SP140L: variants seen among roughly 807,000 people sequenced by gnomAD.
The protein encoded by SP140L is nuclear body protein SP140-like protein.
In SP140L, 64 loss-of-function variants were observed where a neutral mutation model predicts 84.3. The observed-to-expected ratio is 0.76, with a 90% CI of 0.62 to 0.94. SP140L has a LOEUF of 0.94. Among genes scored for constraint, SP140L ranks in the 40% least tolerant of loss-of-function variants. The probability of loss-of-function intolerance (pLI) is 0.00; values close to 1 mark genes in which losing one functional copy is unlikely to be tolerated. For synonymous variants in SP140L, 242 were observed against 236.9 expected (o/e 1.02, Z -0.20); for missense variants, 628 against 692.5 (o/e 0.91, Z 1.05).
rs2059606201 is a variant in SP140L at position 230,327,295 on chromosome 2, G to A, written c.26G>A (p.Ser9Asn). The stretch of plus-strand genomic sequence containing the variant: ...ATGGCAGGTGGGGGCAGCGACCTGA[G>A]CACCAGGTGAGTCTTTATCTCTCTT... MAGGGSDL[S>N]TRGLNGGVSQ... Residue 9 changes from serine (S) to asparagine (N), a missense_variant, in exon 1 of 19, where the codon AGC becomes AAC. Coordinates refer to ENST00000415673, the MANE Select transcript of SP140L (RefSeq NM_138402.6). 1.9e-6 allele frequency: 3 copies of A among 1,611,746 alleles called. No homozygotes were observed. The highest frequency in any genetic ancestry group is 2.5e-6 in the Non-Finnish European group (3 of 1,178,972).
chr2:230,391,376 C>T (rs2061798447), intron 11 of SP140L, among the ~76,000 whole-genome samples: 2 of 152,230 alleles, frequency 1.3e-5, no homozygotes, highest in Non-Finnish European at 2.9e-5. Context: ...CACTCACCAA[C>T]ACTTGTTATT....
chr2:230,378,465 T>C (rs1374058126), intron 7 of SP140L, among the ~76,000 whole-genome samples: 1 of 152,144 alleles, frequency 6.6e-6, no homozygotes, highest in Non-Finnish European at 1.5e-5. Context: ...CGAGAAGTTT[T>C]CTCCGGAACT....
chr2:230,357,725 G>T, intron 2 of SP140L, 80 bp from the exon 3 acceptor site: 1 of 1,408,050 alleles, frequency 7.1e-7, no homozygotes, highest in South Asian at 1.3e-5. Flanking sequence ...TAGCTTATCC[G>T]TTATACATAA....
chr2:230,352,422 A>G (rs1014911945), intron 2 of SP140L, among the ~76,000 whole-genome samples: 1 of 152,196 alleles, frequency 6.6e-6, no homozygotes, highest in Non-Finnish European at 1.5e-5. Flanking sequence ...ACCTCTTCAC[A>G]AATCAGAGCA....
At position 230,400,213 on chromosome 2, in the gene SP140L, C is replaced by A. The variant is rs1473694814; in HGVS notation, c.1284C>A (p.Asp428Glu). 2 of 1,614,180 alleles carry A rather than the reference C, an allele frequency of 1.2e-6. No individual in the cohort carries two copies. The highest frequency in any genetic ancestry group is 4.5e-5 in the East Asian group (2 of 44,884). The change falls in exon 15 of 19, where the codon GAC (aspartate) becomes GAA (glutamate). Residue 428 changes from aspartate to glutamate, a missense_variant. By Grantham distance (45) the Asp-to-Glu change is conservative. This residue lies in a region of SP140L where 525 missense variants were observed against 518.4 expected (regional missense o/e 1.01). Transcript: ENST00000415673. ...CTTGTTCAAGAGTCTTCCATGAGGA[C>A]TGCCACATCCCACCTGTGGAAAGTG... ...CDTCSRVFHE[D>E]CHIPPVESEK...
At chr2:230,370,282 T>C (rs2061021405) in intron 5 of SP140L, among the ~76,000 whole-genome samples, 1 of 152,098 alleles carries the variant, frequency 6.6e-6, no homozygotes, top group Non-Finnish European at 1.5e-5. Flanking sequence ...TCACCTTGGC[T>C]CAGAATATTA....
chr2:230,372,353 A>T (rs1216902547), intron 7 of SP140L: 1 of 152,262 alleles, frequency 6.6e-6, no homozygotes, highest in Non-Finnish European at 1.5e-5. Context: ...TTTTAAATAG[A>T]GTGATAGGAA....
chr2:230,340,392 C>A (rs1164420471), intron 2 of SP140L, among the ~76,000 whole-genome samples: 1 of 148,302 alleles, frequency 6.7e-6, no homozygotes, highest in South Asian at 2.1e-4. Flanking sequence ...TGTCTCTGCA[C>A]GTGAGATGCG....
At position 230,393,422 on chromosome 2, in the gene SP140L, T is replaced by G. The variant is rs1485901869; in HGVS notation, c.1116T>G (p.Ser372=). 1.3e-6 allele frequency: 2 copies of G among 1,586,454 alleles called. No individual in the cohort carries two copies. Among genetic ancestry groups the G allele is most frequent in the Non-Finnish European group, 1.7e-6 (2 of 1,168,442 alleles). ...GTCTTTTTATCTTTCAGGAAGGATC[T>G]CTACCTAATCCTCCAAGAATATATT... ...WPLRRLMEEG[S]LPNPPRIYYR... Residue 372 remains serine (S), a synonymous_variant, in exon 13 of 19, where the codon TCT becomes TCG. Transcript: ENST00000415673.
chr2:230,359,042 T>A lies in SP140L; in HGVS notation c.349T>A (p.Phe117Ile). The A allele has an allele frequency of 6.2e-7, 1 of 1,613,826 alleles. No individual in the cohort carries two copies. Among genetic ancestry groups the A allele is most frequent in the Non-Finnish European group, 8.5e-7 (1 of 1,179,812 alleles). ...TGTTCTCAGTGAACTGGAGAAGACA[T>A]TTAACCTGTCAGTTTTGGAAGCACT... ...YNVLSELEKT[F>I]NLSVLEALFS... is the part of the protein sequence containing the mutation. Residue 117 changes from phenylalanine (F) to isoleucine (I), a missense_variant, in exon 4 of 19, where the codon TTT (phenylalanine) becomes ATT (isoleucine). This residue lies in a region of SP140L where 525 missense variants were observed against 518.4 expected (regional missense o/e 1.01). Coordinates refer to ENST00000415673, the MANE Select transcript of SP140L (RefSeq NM_138402.6).
chr2:230,368,737 G>T (rs192643172), intron 5 of SP140L, among the ~76,000 whole-genome samples: 247 of 152,104 alleles, frequency 1.6e-3, no homozygotes, highest in African/African-American at 5.8e-3. Context: ...TGATATTGAT[G>T]CTCTTTGTTG....
At position 230,398,976 on chromosome 2, in the gene SP140L, T is replaced by C. The variant is rs185190693; in HGVS notation, c.1198-1151T>C. ...TCAGAAGTGTTGGTAGGAAACCTTA[T>C]CTGCAGGAGCAGAGCCGGCGGAGGA... On this transcript the variant is annotated intron_variant, in intron 14 of 18. Transcript: ENST00000415673. 9.9e-4 allele frequency among the ~76,000 whole-genome samples: 151 copies of C among 152,344 alleles called. 1 individual carries two copies. The South Asian group carries it at 0.01, about 10-fold the overall frequency.
intron 1 of SP140L, among the ~76,000 whole-genome samples, chr2:230,328,019 C>A (rs1445097139): frequency 2.6e-5 from 4 of 152,168 alleles, no homozygotes; most frequent in Admixed American, 1.3e-4. Flanking sequence ...TATCTTTTCT[C>A]TAGTAACGAG....
chr2:230,349,012 G>A (rs1395734866), intron 2 of SP140L, among the ~76,000 whole-genome samples: 1 of 152,208 alleles, frequency 6.6e-6, no homozygotes, highest in Non-Finnish European at 1.5e-5. Flanking sequence ...AGCCAGCCCT[G>A]CTCTTACATT....
chr2:230,356,771 A>G (rs1369486573), intron 2 of SP140L, among the ~76,000 whole-genome samples: 1 of 152,168 alleles, frequency 6.6e-6, no homozygotes, highest in East Asian at 1.9e-4. Context: ...TGCAACTAGC[A>G]CTTTTCTGAC....
chr2:230,353,064 A>T (rs1484483066), intron 2 of SP140L, among the ~76,000 whole-genome samples: 5 of 152,078 alleles, frequency 3.3e-5, no homozygotes, highest in African/African-American at 1.2e-4. Context: ...TTGTGAATAT[A>T]TTTAAATACT....
At chr2:230,377,394 A>G (rs563422949) in intron 7 of SP140L, among the ~76,000 whole-genome samples, 2 of 152,312 alleles carry the variant, frequency 1.3e-5, no homozygotes, top group South Asian at 4.1e-4. Context: ...GAATTCATAC[A>G]GTATTGAATT....
intron 7 of SP140L, among the ~76,000 whole-genome samples, chr2:230,381,069 G>A (rs942660233): frequency 2.6e-5 from 4 of 152,112 alleles, no homozygotes; most frequent in African/African-American, 9.7e-5. Context: ...AGGAAGCCCA[G>A]GTGGATGGTG....
chr2:230,375,451 ATTTT>A lies in SP140L; in HGVS notation c.637+3802_637+3805del, dbSNP rs528608050. Among the ~76,000 whole-genome samples the A allele has an allele frequency of 3.7e-3, 561 of 152,136 alleles. 4 individuals are homozygous for A. Among genetic ancestry groups the A allele is most frequent in the Non-Finnish European group, 6.1e-3 (417 of 67,962 alleles). On this transcript the variant is annotated intron_variant, in intron 7 of 18. Transcript: ENST00000415673. ...TGAATGGCATGTTTTTCTATTTTTA[ATTTT>A]TGGAGAAACCTCCATACTCTTTTCT... is the stretch of plus-strand genomic sequence containing the variant.
Sources: allele counts gnomAD v4.1 joint callset (sites outside exome capture counted in the v4.1 genomes callset), GRCh38; gene constraint gnomAD v4.1.1; regional missense constraint gnomAD v4.1.1; transcripts MANE v1.5; gene names NCBI Gene and HGNC (gene_info 2026-07-23, HGNC 2026-07-21).